PFKL: variants seen among roughly 807,000 people sequenced by gnomAD.
PFKL encodes the protein phosphofructokinase, liver type.
A neutral mutation model predicts 92.1 loss-of-function variants in PFKL; 74 were observed. The observed-to-expected ratio is 0.80, with a 90% CI of 0.67 to 0.97. The LOEUF is 0.97. Ranked by LOEUF, PFKL falls within the 50% of genes least tolerant of loss-of-function variation. The pLI is 0.00. For synonymous variants in PFKL, 494 were observed against 456.4 expected, an observed-to-expected ratio of 1.08 and a Z score of -1.05; for missense variants, 1,028 against 1,116.6, an observed-to-expected ratio of 0.92 and a Z score of 1.13.
intron 12 of PFKL, 188 bp from the exon 13 acceptor site, chr21:44,321,541 C>T: frequency 1.9e-6 from 1 of 521,516 alleles, no homozygotes; most frequent in Non-Finnish European, 3.2e-6. Context: ...TTGGTCTTCA[C>T]CAGAATCTTC....
At chr21:44,301,059 GGTCT>G (rs945573677) in intron 1 of PFKL, among the ~76,000 whole-genome samples, 9 of 152,232 alleles carry the variant, frequency 5.9e-5, no homozygotes, top group Non-Finnish European at 1.0e-4. Flanking sequence ...AGCGGGGTCT[GGTCT>G]GTCTTTTAGA....
rs1489155480 is a variant in PFKL at position 44,318,527 on chromosome 21, C to T, written c.994C>T (p.Pro332Ser). 2 of 1,578,376 alleles carry T rather than the reference C, an allele frequency of 1.3e-6. No homozygotes were observed. Among genetic ancestry groups the T allele is most frequent in the Non-Finnish European group, 1.7e-6 (2 of 1,156,928 alleles). Residue 332 changes from proline to serine, a missense_variant, in exon 10 of 22, where the codon CCG (proline) becomes TCG (serine). Pro to Ser is a moderately conservative substitution (Grantham distance 74). Transcript: ENST00000349048. Reference protein sequence around the residue: ...MALLEATPDTPACVVTLSGNQ... With the variant: ...MALLEATPDTSACVVTLSGNQ... ...GCTGCTGGAAGCCACGCCTGACACGCCGGCCTGCGTGGTCACCCTCTCGGG... is the reference window on the plus strand; with the variant it reads ...GCTGCTGGAAGCCACGCCTGACACGTCGGCCTGCGTGGTCACCCTCTCGGG...
chr21:44,324,405 C>T, intron 16 of PFKL, 86 bp from the exon 17 acceptor site: 1 of 1,419,864 alleles, frequency 7.0e-7, no homozygotes, highest in South Asian at 1.2e-5. Context: ...TTTGGAGACA[C>T]AGGGCTCCCT....
intron 9 of PFKL, among the ~76,000 whole-genome samples, chr21:44,317,145 G>T (rs543735591): frequency 5.9e-4 from 90 of 152,346 alleles, no homozygotes; most frequent in African/African-American, 2.1e-3. Context: ...AAATGGAGTG[G>T]GTCTGGGGCC....
intron 5 of PFKL, 152 bp downstream of exon 5, chr21:44,313,295 G>A (rs1274346129): frequency 6.8e-6 from 6 of 879,320 alleles, no homozygotes; most frequent in East Asian, 5.3e-5. Context: ...CTGGGGGAAC[G>A]CACAGCGGGC....
Position 44,325,189 on chromosome 21 carries a change from C to T in PFKL, c.1914C>T (p.Phe638=). 2 of 1,613,012 alleles carry T rather than the reference C, an allele frequency of 1.2e-6. No homozygotes were observed. The highest frequency in any genetic ancestry group is 3.3e-4 in the Middle Eastern group (2 of 6,062). ...GCCATGACTACTACACCACGGAGTT[C>T]CTGTACAACCTGTACTCATCAGAGG... ...EKCHDYYTTE[F]LYNLYSSEGK... Residue 638 remains phenylalanine, a synonymous_variant, in exon 19 of 22, where the codon TTC becomes TTT. Coordinates refer to ENST00000349048, the MANE Select transcript of PFKL (RefSeq NM_002626.6).
At chr21:44,304,467 C>G in intron 1 of PFKL, 1 of 1,195,536 alleles carries the variant, frequency 8.4e-7, no homozygotes, top group Non-Finnish European at 1.1e-6. Flanking sequence ...TGGGCTTGGA[C>G]CTGTGGTGGG....
intron 15 of PFKL, 102 bp downstream of exon 15, chr21:44,323,151 G>C (rs1023391992): frequency 1.0e-5 from 10 of 973,280 alleles, no homozygotes; most frequent in African/African-American, 8.0e-5. Context: ...TGGCTGGGCC[G>C]ATGCAGGGGC....
chr21:44,326,836 A>T lies in PFKL; in HGVS notation c.2317A>T (p.Thr773Ser). 1.2e-6 allele frequency: 2 copies of T among 1,609,682 alleles called. No individual in the cohort carries two copies. Among genetic ancestry groups the T allele is most frequent in the East Asian group, 4.5e-5 (2 of 44,722 alleles). Reference sequence around the variant, plus strand: ...GGAGCTGGAGCACGTGACCCGCCGCACCCTGAGCATGGACAAGGGCTTCTG... The same window carrying T: ...GGAGCTGGAGCACGTGACCCGCCGCTCCCTGAGCATGGACAAGGGCTTCTG... Reference protein sequence around the residue: ...SGELEHVTRRTLSMDKGF With the variant: ...SGELEHVTRRSLSMDKGF Residue 773 changes from threonine (T) to serine (S), a missense_variant, in exon 22 of 22, where the codon ACC becomes TCC. By Grantham distance (58) the Thr-to-Ser change is moderately conservative. Coordinates refer to ENST00000349048, the MANE Select transcript of PFKL (RefSeq NM_002626.6).
At chr21:44,319,287 G>T (rs2047295891) in intron 10 of PFKL, 64 bp from the exon 11 acceptor site, 2 of 1,408,940 alleles carry the variant, frequency 1.4e-6, no homozygotes, top group Non-Finnish European at 2.0e-6. Flanking sequence ...CACCAGACAG[G>T]GCAGTAGCCA....
intron 17 of PFKL, 39 bp from the exon 18 acceptor site, chr21:44,324,817 C>A (rs1364267948): frequency 1.3e-6 from 2 of 1,597,066 alleles, no homozygotes; most frequent in African/African-American, 1.3e-5. Flanking sequence ...ATTCCCTCCC[C>A]ACAGTCCTCC....
chr21:44,307,532 G>A (rs956059546), intron 2 of PFKL, among the ~76,000 whole-genome samples: 4 of 152,152 alleles, frequency 2.6e-5, no homozygotes, highest in African/African-American at 9.7e-5. Flanking sequence ...CCCCAGCTCT[G>A]CAGCCCCAGG....
chr21:44,322,175 C>G lies in PFKL; in HGVS notation c.1381C>G (p.Arg461Gly). The G allele has an allele frequency of 6.2e-7, 1 of 1,604,488 alleles. No individual in the cohort carries two copies. The change falls in exon 14 of 22, where the codon CGT becomes GGT. Residue 461 changes from arginine to glycine, a missense_variant. Physicochemically the swap from Arg to Gly is moderately radical, Grantham distance 125. Coordinates refer to ENST00000349048, the MANE Select transcript of PFKL (RefSeq NM_002626.6). ...GCACGACGTGGCCGGCTGGTTGGGG[C>G]GTGGTGGCTCCATGCTGGGGACCAA... is the stretch of plus-strand genomic sequence containing the variant. Reference protein sequence around the residue: ...GWHDVAGWLGRGGSMLGTKRT... With the variant: ...GWHDVAGWLGGGGSMLGTKRT...
intron 1 of PFKL, among the ~76,000 whole-genome samples, chr21:44,302,430 C>T (rs766310807): frequency 2.6e-5 from 4 of 152,210 alleles, no homozygotes; most frequent in Non-Finnish European, 4.4e-5. Flanking sequence ...AGTCCTGTTT[C>T]ATGAGTTCGG....
At chr21:44,300,285 TCTCGGGC>T (rs888170588) in intron 1 of PFKL, 95 bp downstream of exon 1, 18 of 511,640 alleles carry the variant, frequency 3.5e-5, no homozygotes, top group Non-Finnish European at 4.6e-5. Context: ...GGGACCCGGG[TCTCGGGC>T]CGGCCCGGCC....
At position 44,316,485 on chromosome 21, in the gene PFKL, G is replaced by A; in HGVS notation, c.897G>A (p.Val299=). Residue 299 remains valine (V), a synonymous_variant, in exon 9 of 22, where the codon GTG becomes GTA. Coordinates refer to ENST00000349048, the MANE Select transcript of PFKL (RefSeq NM_002626.6). The part of the protein sequence containing the change: ...FDTRVTVLGH[V]QRGGTPSAFD... ...CCCGTGTAACTGTGCTGGGCCACGT[G>A]CAGCGGGGAGGGACGCCCTCTGCCT... 6.2e-7 allele frequency: 1 copy of A among 1,607,596 alleles called. No homozygotes were observed.
Position 44,316,152 on chromosome 21 carries a change from G to T in PFKL, c.748-92G>T, listed in dbSNP as rs546550220. The T allele has an allele frequency of 1.9e-5, 22 of 1,161,574 alleles. No homozygotes were observed. In the East Asian group the frequency reaches 4.5e-4, roughly 24 times the overall value. 72.0% of individuals were successfully genotyped at this position (1,161,574 alleles called of 1,614,324 possible). A position where few individuals can be genotyped will look rare whatever the true frequency, so the allele number is the denominator to read the frequency against. On this transcript the variant is annotated intron_variant, in intron 7 of 21. Coordinates refer to ENST00000349048, the MANE Select transcript of PFKL (RefSeq NM_002626.6). Reference sequence around the variant, plus strand: ...CCCTGGCCCATGTGGGTTGGGAATGGTGGCCCCAGGGAGGGCTCCTGGCAC... The same window carrying T: ...CCCTGGCCCATGTGGGTTGGGAATGTTGGCCCCAGGGAGGGCTCCTGGCAC...
At chr21:44,314,465 CG>C (rs2047145368) in intron 7 of PFKL, 1 of 174,548 alleles carries the variant, frequency 5.7e-6, no homozygotes, top group Non-Finnish European at 1.2e-5. Context: ...GGTCGGGGCC[CG>C]GGGGTGGGTT....
At chr21:44,312,550 C>T (rs2047078720) in intron 4 of PFKL, among the ~76,000 whole-genome samples, 1 of 152,198 alleles carries the variant, frequency 6.6e-6, no homozygotes, top group African/African-American at 2.4e-5. Flanking sequence ...CGGTGTTGCT[C>T]ACCCTACGCT....
Sources: gnomAD v4.1 joint callset for allele counts (sites outside exome capture counted in the v4.1 genomes callset) on GRCh38, gnomAD v4.1.1 for gene constraint, MANE v1.5 for transcripts, NCBI Gene and HGNC (gene_info 2026-07-23, HGNC 2026-07-21) for gene names.